The following EXOC2 variants were observed in gnomAD, a reference collection of about 807,000 sequenced individuals.
EXOC2 encodes the protein exocyst complex component 2, also known as SEC5-like 1.
Under a neutral mutation model 131.8 loss-of-function variants are expected in EXOC2, and 70 were observed. The observed-to-expected ratio is 0.53, with a 90% CI of 0.44 to 0.65. EXOC2 has a LOEUF of 0.65. Ranked by LOEUF, EXOC2 falls within the 30% of genes least tolerant of loss-of-function variation. The pLI is 0.00. For missense variants in EXOC2, 923 were observed against 1,108.6 expected, an observed-to-expected ratio of 0.83 and a Z score of 2.38; for synonymous variants, 411 against 398.4, an observed-to-expected ratio of 1.03 and a Z score of -0.38.
At chr6:605,367 C>T (rs977169906) in intron 7 of EXOC2, among the ~76,000 whole-genome samples, 9 of 152,202 alleles carry the variant, frequency 5.9e-5, no homozygotes, top group African/African-American at 2.2e-4. Flanking sequence ...TTTTAAAGTA[C>T]AACTAATATT....
chr6:503,147 T>TA (rs1764326418), intron 23 of EXOC2, among the ~76,000 whole-genome samples: 1 of 151,226 alleles, frequency 6.6e-6, no homozygotes, highest in Non-Finnish European at 1.5e-5. Context: ...ATCGCTGAAT[T>TA]AAATACAGGA....
chr6:499,765 G>A, intron 23 of EXOC2, 65 bp from the exon 24 acceptor site: 4 of 1,341,946 alleles, frequency 3.0e-6, no homozygotes, highest in Non-Finnish European at 4.3e-6. Flanking sequence ...TCCCCTGCTG[G>A]CAGGCTGTAC....
intron 17 of EXOC2, among the ~76,000 whole-genome samples, chr6:557,975 T>A (rs937854773): frequency 3.9e-5 from 6 of 152,042 alleles, no homozygotes; most frequent in Non-Finnish European, 5.9e-5. Context: ...CCACCAAACA[T>A]GAGCACAGGT....
At chr6:585,669 A>C (rs1467537705) in intron 11 of EXOC2, among the ~76,000 whole-genome samples, 3 of 152,248 alleles carry the variant, frequency 2.0e-5, no homozygotes, top group Non-Finnish European at 4.4e-5. Context: ...AAACCACCAA[A>C]GTGAAAAGCA....
intron 4 of EXOC2, among the ~76,000 whole-genome samples, chr6:625,488 T>C (rs1175466264): frequency 6.6e-6 from 1 of 152,014 alleles, no homozygotes; most frequent in African/African-American, 2.4e-5. Context: ...TACACTCTGT[T>C]GTATTACGTA....
chr6:630,442 T>G (rs1380786907), intron 3 of EXOC2, among the ~76,000 whole-genome samples: 1 of 152,170 alleles, frequency 6.6e-6, no homozygotes, highest in African/African-American at 2.4e-5. Flanking sequence ...GCACAAAACA[T>G]TCGAGTAAAA....
intron 17 of EXOC2, among the ~76,000 whole-genome samples, chr6:561,497 A>G (rs1281864174): frequency 6.6e-6 from 1 of 152,218 alleles, no homozygotes; most frequent in Non-Finnish European, 1.5e-5. Flanking sequence ...AGCCTGACTC[A>G]TCACTGGTTT....
chr6:668,955 G>A (rs144676930), intron 1 of EXOC2: 55 of 152,284 alleles, frequency 3.6e-4, no homozygotes, highest in African/African-American at 1.2e-3. Context: ...CAGAACCCAT[G>A]GATATGGAGA....
intron 7 of EXOC2, among the ~76,000 whole-genome samples, chr6:605,668 A>G (rs1213145183): frequency 6.6e-6 from 1 of 152,036 alleles, no homozygotes; most frequent in Admixed American, 6.5e-5. Context: ...GGATTCACTG[A>G]TTTTTTGAAG....
chr6:486,784 G>C lies in EXOC2; in HGVS notation c.2682-20C>G, dbSNP rs1581270942. 1 of 1,602,432 alleles carries C rather than the reference G, an allele frequency of 6.2e-7. No individual in the cohort carries two copies. Among genetic ancestry groups the C allele is most frequent in the South Asian group, 1.1e-5 (1 of 90,566 alleles). On this transcript the variant is annotated intron_variant, in intron 27 of 27. Transcript: ENST00000230449. ...AGTAACCTGCAGGACGGAGACACTT[G>C]TTTTACAGCCCGACAGATGGGGCGG...
intron 22 of EXOC2, among the ~76,000 whole-genome samples, chr6:538,477 A>C (rs1254756465): frequency 6.6e-6 from 1 of 152,218 alleles, no homozygotes; most frequent in Admixed American, 6.5e-5. Context: ...TCAGTCTTAT[A>C]AAGTGATGTG....
At position 679,881 on chromosome 6, in the gene EXOC2, G is replaced by A. The variant is rs1203926166; in HGVS notation, c.-44+13138C>T. ...AGATGTACAGAAAAAGTTCCTAGAAGGAAGTATTCTAAAATGCCAAATGGT... is the reference window on the plus strand; with the variant it reads ...AGATGTACAGAAAAAGTTCCTAGAAAGAAGTATTCTAAAATGCCAAATGGT... On this transcript the variant is annotated intron_variant, in intron 1 of 27. Transcript: ENST00000230449. 2.0e-5 allele frequency among the ~76,000 whole-genome samples: 3 copies of A among 152,192 alleles called. No individual in the cohort carries two copies. In the East Asian group the frequency reaches 5.8e-4, roughly 29 times the overall value.
intron 23 of EXOC2, among the ~76,000 whole-genome samples, chr6:505,633 G>A (rs974648147): frequency 2.0e-5 from 3 of 152,312 alleles, no homozygotes; most frequent in South Asian, 4.1e-4. Context: ...TGGATCCACC[G>A]TTGTCCTCCT....
At chr6:634,589 A>G (rs1762010984) in intron 2 of EXOC2, among the ~76,000 whole-genome samples, 1 of 152,242 alleles carries the variant, frequency 6.6e-6, no homozygotes, top group Non-Finnish European at 1.5e-5. Flanking sequence ...TAAACCATAA[A>G]GGAATAAAAG....
chr6:492,563 T>C lies in EXOC2; in HGVS notation c.2560-1377A>G, dbSNP rs569496955. 6.3e-4 allele frequency among the ~76,000 whole-genome samples: 96 copies of C among 152,264 alleles called. 2 individuals are homozygous for C. The highest frequency in any genetic ancestry group is 1.0e-3 in the Non-Finnish European group (68 of 68,012). ...GTGGCATATTTAAAGTGGAATATTATATGTAAAAAGAAGCGAGGCACTGGC... is the reference window on the plus strand; with the variant it reads ...GTGGCATATTTAAAGTGGAATATTACATGTAAAAAGAAGCGAGGCACTGGC... On this transcript the variant is annotated intron_variant, in intron 25 of 27. Transcript: ENST00000230449.
intron 10 of EXOC2, among the ~76,000 whole-genome samples, chr6:597,721 C>T (rs1759896533): frequency 6.6e-6 from 1 of 152,164 alleles, no homozygotes; most frequent in Admixed American, 6.5e-5. Context: ...CCCACACCAT[C>T]CCACTAGGCA....
At chr6:644,428 C>T (rs1397100869) in intron 1 of EXOC2, among the ~76,000 whole-genome samples, 1 of 152,122 alleles carries the variant, frequency 6.6e-6, no homozygotes, top group African/African-American at 2.4e-5. Context: ...ATGCTTTCCC[C>T]CCTTTCGAAC....
chr6:560,353 A>G (rs553382519), intron 17 of EXOC2, among the ~76,000 whole-genome samples: 6 of 152,346 alleles, frequency 3.9e-5, no homozygotes, highest in African/African-American at 9.6e-5. Flanking sequence ...ATCAAGTGCA[A>G]TAAGTTTTCC....
intron 1 of EXOC2, among the ~76,000 whole-genome samples, chr6:687,820 T>C (rs919481547): frequency 6.6e-6 from 1 of 152,208 alleles, no homozygotes; most frequent in Non-Finnish European, 1.5e-5. Context: ...ACAACTATTT[T>C]AAGAAATGTG....
Sources: gnomAD v4.1 joint callset for allele counts (sites outside exome capture counted in the v4.1 genomes callset) on GRCh38, gnomAD v4.1.1 for gene constraint, MANE v1.5 for transcripts, NCBI Gene and HGNC (gene_info 2026-07-23, HGNC 2026-07-21) for gene names.